The following UCHL5 variants were observed in gnomAD, a reference collection of about 807,000 sequenced individuals.
The protein encoded by UCHL5 is ubiquitin C-terminal hydrolase L5, also known as ubiquitin carboxyl-terminal hydrolase isozyme L5.
In UCHL5, 34 loss-of-function variants were observed where a neutral mutation model predicts 53.8. That is an observed-to-expected ratio of 0.63 (90% confidence interval 0.48 to 0.84). The LOEUF is 0.84. UCHL5 is among the 40% of genes least tolerant of loss of function. UCHL5 has a pLI of 0.00. For missense variants in UCHL5, 290 were observed against 385.6 expected, an observed-to-expected ratio of 0.75 and a Z score of 2.08; for synonymous variants, 111 against 126.3, an observed-to-expected ratio of 0.88 and a Z score of 0.81.
rs1472710390 is a variant in UCHL5, at chr1:193,012,363, T to C, written c.*3988A>G. 1 of 152,192 alleles carries C rather than the reference T, an allele frequency of 6.6e-6. No homozygotes were observed. The highest frequency in any genetic ancestry group is 2.4e-5 in the African/African-American group (1 of 41,454). The allele number at this position is 152,192 out of a possible 1,614,324, so 9.4% of individuals were successfully genotyped here. On this transcript the variant is annotated 3_prime_UTR_variant, in exon 11 of 11. Transcript: ENST00000367454. ...ATAAGCTAAAAAGTAAATAGAGCAG[T>C]AGTCCTAGGCATTTCCATATATCTT...
chr1:193,043,876 A>G (rs1262737233), intron 3 of UCHL5, among the ~76,000 whole-genome samples: 3 of 152,206 alleles, frequency 2.0e-5, no homozygotes, highest in Admixed American at 2.0e-4. Flanking sequence ...AGCTCTGCAC[A>G]TGGAACTTTC....
intron 7 of UCHL5, among the ~76,000 whole-genome samples, chr1:193,026,950 G>A (rs772178631): frequency 2.6e-5 from 4 of 152,106 alleles, no homozygotes; most frequent in Non-Finnish European, 4.4e-5. Flanking sequence ...TTAAAAACTT[G>A]GAAGAATCTC....
At chr1:193,045,717 A>G (rs1304027752) in intron 3 of UCHL5, among the ~76,000 whole-genome samples, 1 of 152,258 alleles carries the variant, frequency 6.6e-6, no homozygotes, top group African/African-American at 2.4e-5. Context: ...ACATGGGAAA[A>G]AAATCTGTAA....
At chr1:193,028,416 A>G (rs1660146329) in intron 6 of UCHL5, among the ~76,000 whole-genome samples, 2 of 152,206 alleles carry the variant, frequency 1.3e-5, no homozygotes, top group African/African-American at 4.8e-5. Flanking sequence ...GGCAAAAAGT[A>G]CAAACAAAAT....
chr1:193,023,155 C>G (rs998610950), intron 8 of UCHL5, 119 bp from the exon 9 acceptor site: 3 of 709,734 alleles, frequency 4.2e-6, no homozygotes, highest in African/African-American at 1.8e-5. Flanking sequence ...ATATTGATAG[C>G]AGCATGCCCG....
intron 3 of UCHL5, among the ~76,000 whole-genome samples, chr1:193,043,827 G>A (rs1251677225): frequency 2.0e-5 from 3 of 152,194 alleles, no homozygotes; most frequent in African/African-American, 7.2e-5. Flanking sequence ...CCAGAATAGT[G>A]AGCACTGTCT....
rs748922337 is a variant in UCHL5 at position 193,020,317 on chromosome 1, C to T, written c.942+780G>A. ...GGAAAATATACCTACCATGTATTCT[C>T]GTCTTTAAGTTAATGGTCCAAAATT... is the stretch of plus-strand genomic sequence containing the variant. On this transcript the variant is annotated intron_variant, in intron 10 of 10. Coordinates refer to ENST00000367454, the MANE Select transcript of UCHL5 (RefSeq NM_001199261.3). The T allele has an allele frequency of 1.1e-5, 17 of 1,545,868 alleles. No individual in the cohort carries two copies. In the East Asian group the frequency reaches 1.2e-4, roughly 11 times the overall value.
intron 2 of UCHL5, 96 bp downstream of exon 2, chr1:193,051,658 A>G: frequency 1.5e-6 from 1 of 654,826 alleles, no homozygotes; most frequent in Non-Finnish European, 2.5e-6. Context: ...TTCAACCTAG[A>G]GTAATCCAAG....
At position 193,051,812 on chromosome 1, in the gene UCHL5, G is replaced by A. The variant is rs1215076306; in HGVS notation, c.82C>T (p.Arg28Ter). 11 of 1,586,120 alleles carry A rather than the reference G, an allele frequency of 6.9e-6. No individual in the cohort carries two copies. The highest frequency in any genetic ancestry group is 1.4e-5 in the African/African-American group (1 of 73,414). Residue 28 changes from arginine (R) to a stop codon, truncating the protein, a stop_gained, in exon 2 of 11, where the codon CGA becomes TGA. Transcript: ENST00000367454. LOFTEE classifies it high-confidence loss of function. ...FTELIKGFGC[R>*]GAQVEEIWSL... is the part of the protein sequence containing the mutation. ...CATATTTCTTCTACTTGGGCTCCTC[G>A]GCAACCTGAAATAATAAATTATTTT...
At chr1:193,051,241 G>A (rs1249857873) in intron 2 of UCHL5, among the ~76,000 whole-genome samples, 1 of 152,128 alleles carries the variant, frequency 6.6e-6, no homozygotes, top group Non-Finnish European at 1.5e-5. Flanking sequence ...GAAGTTAAAA[G>A]AGGTGATTCT....
At chr1:193,033,351 G>A (rs1662182434) in intron 3 of UCHL5, among the ~76,000 whole-genome samples, 3 of 152,084 alleles carry the variant, frequency 2.0e-5, no homozygotes, top group African/African-American at 7.2e-5. Context: ...CACAGGGAGG[G>A]GAACATCACA....
chr1:193,031,857 A>C (rs1661540733), intron 3 of UCHL5, among the ~76,000 whole-genome samples: 1 of 152,228 alleles, frequency 6.6e-6, no homozygotes, highest in Non-Finnish European at 1.5e-5. Flanking sequence ...AGTATGAATT[A>C]TTTAGGTAGT....
At chr1:193,021,917 T>C (rs1385595258) in intron 9 of UCHL5, among the ~76,000 whole-genome samples, 3 of 152,168 alleles carry the variant, frequency 2.0e-5, no homozygotes, top group Non-Finnish European at 4.4e-5. Context: ...AAACAAAGCA[T>C]TCCCAAACAA....
intron 9 of UCHL5, among the ~76,000 whole-genome samples, chr1:193,022,664 CAAAAAAAA>C (rs1291548226): frequency 1.1e-4 from 6 of 53,974 alleles, no homozygotes; most frequent in African/African-American, 3.9e-4. Context: ...AGACTCTGTC[CAAAAAAAA>C]AAAAAAAAAA....
At chr1:193,055,959 G>A (rs1347102008) in intron 1 of UCHL5, among the ~76,000 whole-genome samples, 2 of 152,052 alleles carry the variant, frequency 1.3e-5, no homozygotes, top group African/African-American at 4.8e-5. Context: ...TGTAGAATTG[G>A]TATTATTTAT....
chr1:193,044,224 C>T (rs1430607938), intron 3 of UCHL5, among the ~76,000 whole-genome samples: 1 of 152,142 alleles, frequency 6.6e-6, no homozygotes, highest in Non-Finnish European at 1.5e-5. Context: ...ATTGCTTCCA[C>T]GAAACTCTAA....
intron 3 of UCHL5, among the ~76,000 whole-genome samples, chr1:193,032,458 T>C (rs555262992): frequency 6.6e-6 from 1 of 152,094 alleles, no homozygotes; most frequent in African/African-American, 2.4e-5. Context: ...ATTCAGGACA[T>C]AGGTATGGGC....
chr1:193,033,049 A>G (rs1046975906), intron 3 of UCHL5, among the ~76,000 whole-genome samples: 4 of 152,228 alleles, frequency 2.6e-5, no homozygotes, highest in South Asian at 2.1e-4. Context: ...AGGATTTTAA[A>G]TCATTCTACT....
At position 193,012,970 on chromosome 1, in the gene UCHL5, C is replaced by A. The variant is rs908000637; in HGVS notation, c.*3381G>T. ...TGGATTTAGGCCAGTTAACAATATA[C>A]TAAAGAACAAACTAAATAACATGCA... On this transcript the variant is annotated 3_prime_UTR_variant, in exon 11 of 11. Coordinates refer to ENST00000367454, the MANE Select transcript of UCHL5 (RefSeq NM_001199261.3). The A allele has an allele frequency of 6.6e-6, 1 of 152,136 alleles. No individual in the cohort carries two copies. The highest frequency in any genetic ancestry group is 1.5e-5 in the Non-Finnish European group (1 of 68,030). The allele number at this position is 152,136 out of a possible 1,614,324, so 9.4% of individuals were successfully genotyped here. A position where few individuals can be genotyped will look rare whatever the true frequency, so the allele number is the denominator to read the frequency against.
Sources: allele counts gnomAD v4.1 joint callset (sites outside exome capture counted in the v4.1 genomes callset), GRCh38; gene constraint gnomAD v4.1.1; transcripts MANE v1.5; gene names NCBI Gene and HGNC (gene_info 2026-07-23, HGNC 2026-07-21).